REPS2: variants seen among roughly 807,000 people sequenced by gnomAD.
REPS2 encodes the protein RALBP1 associated Eps domain containing 2.
REPS2 carries 23 observed loss-of-function variants against 53.6 expected under a neutral mutation model. The ratio of observed to expected loss-of-function variants is 0.43; its 90% CI spans 0.31 to 0.61. REPS2 has a LOEUF of 0.61. Among genes scored for constraint, REPS2 ranks in the 20% least tolerant of loss-of-function variants. The probability of loss-of-function intolerance (pLI) is 0.11; values close to 1 mark genes in which losing one functional copy is unlikely to be tolerated. For missense variants in REPS2, 446 were observed against 534.9 expected, an observed-to-expected ratio of 0.83 and a Z score of 1.64; for synonymous variants, 238 against 218.6, an observed-to-expected ratio of 1.09 and a Z score of -0.78.
intron 17 of REPS2, among the ~76,000 whole-genome samples, chrX:17,141,186 T>C (rs1045897894): frequency 1.8e-4 from 20 of 112,239 alleles, no homozygotes; most frequent in African/African-American, 6.5e-4. Context: ...TCCCTCATGC[T>C]TTTTCCTAGT....
At chrX:17,073,900 A>G (rs2062344443) in intron 11 of REPS2, among the ~76,000 whole-genome samples, 1 of 108,933 alleles carries the variant, frequency 9.2e-6, no homozygotes, top group African/African-American at 3.3e-5. Flanking sequence ...GTGCTTGACC[A>G]AAGGAAAAAT....
intron 13 of REPS2, among the ~76,000 whole-genome samples, chrX:17,090,145 T>A (rs2062594990): frequency 8.9e-6 from 1 of 112,518 alleles, no homozygotes; most frequent in African/African-American, 3.2e-5. Flanking sequence ...TGAGCATCTT[T>A]TCATGTGCTT....
intron 1 of REPS2, among the ~76,000 whole-genome samples, chrX:16,951,500 TAC>T (rs1157042780): frequency 0.03 from 1,775 of 60,069 alleles, 37 homozygotes; most frequent in African/African-American, 0.048. Flanking sequence ...AAACCCCATC[TAC>T]ACACACACAC....
chrX:17,081,717 G>A (rs1285496830), intron 13 of REPS2, among the ~76,000 whole-genome samples: 2 of 111,963 alleles, frequency 1.8e-5, no homozygotes, highest in African/African-American at 3.2e-5. Flanking sequence ...CACTATGATC[G>A]CTGTGTGTAA....
chrX:17,000,518 G>A (rs1367193559), intron 1 of REPS2, among the ~76,000 whole-genome samples: 4 of 111,871 alleles, frequency 3.6e-5, no homozygotes, highest in African/African-American at 1.3e-4. Context: ...GAGGGTATCT[G>A]AAAGGATATA....
At chrX:17,092,562 T>C (rs925073202) in intron 13 of REPS2, among the ~76,000 whole-genome samples, 2 of 110,246 alleles carry the variant, frequency 1.8e-5, no homozygotes, top group Non-Finnish European at 3.8e-5. Flanking sequence ...GACAAAGCCT[T>C]GCTGATACCT....
chrX:17,034,799 CAG>C (rs1318521983), intron 5 of REPS2, among the ~76,000 whole-genome samples: 2 of 111,562 alleles, frequency 1.8e-5, no homozygotes, highest in Non-Finnish European at 3.8e-5. Flanking sequence ...AAATGACAAA[CAG>C]AATTTAGATA....
At chrX:17,143,416 G>A (rs2063472228) in intron 17 of REPS2, among the ~76,000 whole-genome samples, 1 of 105,420 alleles carries the variant, frequency 9.5e-6, no homozygotes, top group Non-Finnish European at 1.9e-5. Flanking sequence ...CTTTGGGGTA[G>A]GCCAGTTTCA....
chrX:17,082,823 G>T (rs894718224), intron 13 of REPS2, among the ~76,000 whole-genome samples: 4 of 112,314 alleles, frequency 3.6e-5, no homozygotes, highest in Non-Finnish European at 7.5e-5. Flanking sequence ...ACAGGACTGG[G>T]AAACAAGCTT....
the REPS2 span, among the ~76,000 whole-genome samples, chrX:17,177,654 A>G: frequency 8.9e-6 from 1 of 111,749 alleles, no homozygotes; most frequent in African/African-American, 3.3e-5. Flanking sequence ...TGAACAAAAA[A>G]TCCCTATCTC....
At position 17,148,376 on chromosome X, in the gene REPS2, G is replaced by C. The variant is rs939116902; in HGVS notation, c.*895G>C. 1 of 112,718 alleles carries C rather than the reference G, an allele frequency of 8.9e-6. No homozygotes were observed. Among genetic ancestry groups the C allele is most frequent in the Non-Finnish European group, 1.9e-5 (1 of 53,452 alleles). 9.3% of individuals were successfully genotyped at this position (112,718 alleles called of 1,213,427 possible). On this transcript the variant is annotated 3_prime_UTR_variant, in exon 18 of 18. Transcript: ENST00000357277. ...TCAAATATGAAAGGCTGATGAGACT[G>C]TTAGGATTGATAAACATTTGTTGTT...
intron 9 of REPS2, among the ~76,000 whole-genome samples, chrX:17,064,008 T>C (rs1440035960): frequency 2.7e-5 from 3 of 111,283 alleles, no homozygotes; most frequent in Non-Finnish European, 5.7e-5. Flanking sequence ...GTTACATATA[T>C]TCACCTTTGT....
chrX:16,985,574 T>C (rs1291958665), intron 1 of REPS2, among the ~76,000 whole-genome samples: 2 of 111,879 alleles, frequency 1.8e-5, no homozygotes, highest in Admixed American at 9.6e-5. Flanking sequence ...TTCTTAGATA[T>C]AGAGAAGACT....
At position 17,151,756 on chromosome X, in the gene REPS2, A is replaced by G. The variant is rs1041513407; in HGVS notation, c.*4275A>G. ...TGTTTTCCCACTGTGTTTAAAGAGA[A>G]CACTAGTAATTCTGGTTTTTCTTTC... On this transcript the variant is annotated 3_prime_UTR_variant, in exon 18 of 18. Transcript: ENST00000357277. The G allele has an allele frequency of 2.7e-5, 3 of 112,506 alleles. No homozygotes were observed. The highest frequency in any genetic ancestry group is 9.4e-5 in the Admixed American group (1 of 10,658). The allele number at this position is 112,506 out of a possible 1,213,427, so 9.3% of individuals were successfully genotyped here.
intron 2 of REPS2, among the ~76,000 whole-genome samples, chrX:17,018,229 T>A (rs1454761841): frequency 3.3e-5 from 3 of 91,655 alleles, no homozygotes; most frequent in African/African-American, 1.2e-4. Context: ...TTTTTTTTTT[T>A]TTTTTTGAGT....
intron 5 of REPS2, among the ~76,000 whole-genome samples, chrX:17,045,097 T>G (rs2061888391): frequency 1.8e-5 from 2 of 110,256 alleles, no homozygotes; most frequent in South Asian, 7.8e-4. Flanking sequence ...ACCTGGCTAA[T>G]TTTTTGTATT....
chrX:16,988,270 C>T (rs761945447), intron 1 of REPS2, among the ~76,000 whole-genome samples: 2 of 111,208 alleles, frequency 1.8e-5, no homozygotes, highest in South Asian at 3.8e-4. Context: ...AGAGTGACAC[C>T]GCCTGTCTCA....
At chrX:17,121,906 A>G (rs113424447) in intron 14 of REPS2, among the ~76,000 whole-genome samples, 2,712 of 110,604 alleles carry the variant, frequency 0.025, 91 homozygotes, top group African/African-American at 0.086. Flanking sequence ...ATGTGCCACC[A>G]CACCCAGATA....
intron 13 of REPS2, among the ~76,000 whole-genome samples, chrX:17,088,574 A>G (rs2062572439): frequency 9.2e-6 from 1 of 108,427 alleles, no homozygotes; most frequent in Non-Finnish European, 1.9e-5. Flanking sequence ...GTTCTCCATC[A>G]GAATCTTTCT....
Sources: gnomAD v4.1 joint callset for allele counts (sites outside exome capture counted in the v4.1 genomes callset) on GRCh38, gnomAD v4.1.1 for gene constraint, MANE v1.5 for transcripts, NCBI Gene and HGNC (gene_info 2026-07-23, HGNC 2026-07-21) for gene names.